METTL15: variants seen among roughly 807,000 people sequenced by gnomAD.
METTL15 encodes 12S rRNA N(4)-cytidine methyltransferase METTL15.
METTL15 carries 34 observed loss-of-function variants against 38.3 expected under a neutral mutation model. The observed-to-expected ratio is 0.89, with a 90% CI of 0.68 to 1.18. The LOEUF (loss-of-function observed/expected upper bound fraction) is 1.18, where lower values mean the gene tolerates loss of function less well. Among genes scored for constraint, METTL15 ranks in the 50% most tolerant of loss-of-function variants. The pLI is 0.00. For synonymous variants in METTL15, 162 were observed against 170.9 expected (o/e 0.95, Z 0.41); for missense variants, 438 against 498.4 (o/e 0.88, Z 1.15).
At chr11:28,249,161 A>G (rs1854633094) in intron 4 of METTL15, among the ~76,000 whole-genome samples, 2 of 151,988 alleles carry the variant, frequency 1.3e-5, no homozygotes, top group Admixed American at 6.6e-5. Flanking sequence ...TCACAAGCTC[A>G]CATGAGGAAA....
rs77853307 is a variant in METTL15 at position 28,216,323 on chromosome 11, C to A, written c.407+5125C>A. Among the ~76,000 whole-genome samples the A allele has an allele frequency of 7.6e-3, 1,159 of 151,922 alleles. 37 individuals are homozygous for A. The East Asian group carries it at 0.087, about 11-fold the overall frequency. Reference sequence around the variant, plus strand: ...GGAGGAAATAATCCAAAAATTGATTCTGCTAAATAAAGGCATTTAATTGAA... The same window carrying A: ...GGAGGAAATAATCCAAAAATTGATTATGCTAAATAAAGGCATTTAATTGAA... On this transcript the variant is annotated intron_variant, in intron 4 of 6. Transcript: ENST00000407364.
intron 5 of METTL15, among the ~76,000 whole-genome samples, chr11:28,366,540 TTCATG>T (rs1245206786): frequency 6.6e-6 from 1 of 152,200 alleles, no homozygotes; most frequent in Non-Finnish European, 1.5e-5. Context: ...AGTGAGCTGA[TTCATG>T]AAGCAGTGAG....
At chr11:28,154,645 G>T (rs1413419387) in intron 3 of METTL15, among the ~76,000 whole-genome samples, 1 of 152,050 alleles carries the variant, frequency 6.6e-6, no homozygotes, top group African/African-American at 2.4e-5. Context: ...AAGTCTGTTG[G>T]CTTCTTTAAG....
At chr11:28,392,116 A>G (rs1466510452) in intron 5 of METTL15, among the ~76,000 whole-genome samples, 1 of 152,204 alleles carries the variant, frequency 6.6e-6, no homozygotes, top group African/African-American at 2.4e-5. Flanking sequence ...ACAAATTTAC[A>G]AGAAAAAACA....
intron 6 of METTL15, among the ~76,000 whole-genome samples, chr11:28,503,960 C>A (rs941667463): frequency 2.6e-5 from 4 of 151,740 alleles, no homozygotes; most frequent in African/African-American, 4.8e-5. Flanking sequence ...CTTTGGGAGT[C>A]CAAGGCAGGT....
intron 6 of METTL15, among the ~76,000 whole-genome samples, chr11:28,309,751 C>T (rs1288380337): frequency 6.6e-6 from 1 of 152,142 alleles, no homozygotes; most frequent in Non-Finnish European, 1.5e-5. Flanking sequence ...GCTACAACAG[C>T]ATTTTCCTAG....
chr11:28,462,651 T>C (rs1039485463), intron 6 of METTL15, among the ~76,000 whole-genome samples: 1 of 152,038 alleles, frequency 6.6e-6, no homozygotes, highest in Non-Finnish European at 1.5e-5. Context: ...GGATGAATTA[T>C]GTTCAGTGAG....
At chr11:28,399,210 A>T (rs1373991303) in intron 5 of METTL15, 4 of 152,066 alleles carry the variant, frequency 2.6e-5, no homozygotes, top group Non-Finnish European at 1.5e-5. Flanking sequence ...GTGATTCCCT[A>T]TTTAATAAAT....
intron 6 of METTL15, among the ~76,000 whole-genome samples, chr11:28,430,726 G>A (rs1379225509): frequency 8.5e-6 from 1 of 117,298 alleles, no homozygotes; most frequent in African/African-American, 3.3e-5. Context: ...GAGGGAGGTG[G>A]GGGGGTCAGC....
chr11:28,268,004 C>T (rs1296884421), intron 4 of METTL15, among the ~76,000 whole-genome samples: 6 of 151,510 alleles, frequency 4.0e-5, no homozygotes, highest in South Asian at 2.1e-4. Flanking sequence ...GAGACCATCC[C>T]GGCTAAAACG....
At chr11:28,258,235 T>C (rs747382042) in intron 4 of METTL15, among the ~76,000 whole-genome samples, 2 of 152,126 alleles carry the variant, frequency 1.3e-5, no homozygotes, top group Non-Finnish European at 2.9e-5. Flanking sequence ...AACAATGGGG[T>C]ATCTCTCTCT....
chr11:28,458,610 A>T (rs1173593724), intron 6 of METTL15, among the ~76,000 whole-genome samples: 1 of 152,164 alleles, frequency 6.6e-6, no homozygotes, highest in Admixed American at 6.5e-5. Context: ...TCACCTGCCC[A>T]GGGCCTTACT....
intron 3 of METTL15, among the ~76,000 whole-genome samples, chr11:28,146,946 G>T (rs1053663915): frequency 3.3e-5 from 5 of 151,718 alleles, no homozygotes; most frequent in Non-Finnish European, 7.4e-5. Context: ...TTTATATAAA[G>T]AATTTTGCAA....
At chr11:28,397,703 T>A (rs892893883) in intron 5 of METTL15, among the ~76,000 whole-genome samples, 1 of 152,028 alleles carries the variant, frequency 6.6e-6, no homozygotes, top group African/African-American at 2.4e-5. Flanking sequence ...GATCTAGAAC[T>A]AGAAATACCA....
chr11:28,351,407 C>G (rs1260655274), intron 3 of METTL15, among the ~76,000 whole-genome samples: 2 of 152,182 alleles, frequency 1.3e-5, no homozygotes, highest in African/African-American at 4.8e-5. Flanking sequence ...TGAGCCACTG[C>G]ACCGGGCCCA....
intron 6 of METTL15, among the ~76,000 whole-genome samples, chr11:28,520,533 C>T (rs938898919): frequency 6.6e-6 from 1 of 152,082 alleles, no homozygotes; most frequent in East Asian, 1.9e-4. Context: ...GAGATATTAC[C>T]TTCAAGAAGG....
At chr11:28,319,025 A>G (rs2134042277) in intron 6 of METTL15, among the ~76,000 whole-genome samples, 1 of 152,324 alleles carries the variant, frequency 6.6e-6, no homozygotes, top group African/African-American at 2.4e-5. Context: ...CATTCCCAGG[A>G]TAAGAGACCA....
intron 6 of METTL15, among the ~76,000 whole-genome samples, chr11:28,500,980 A>G (rs1227305838): frequency 2.6e-5 from 4 of 152,204 alleles, no homozygotes; most frequent in African/African-American, 7.2e-5. Flanking sequence ...AAGCTGCAAC[A>G]ATTTTATCTT....
At chr11:28,236,872 G>T (rs933364688) in intron 4 of METTL15, among the ~76,000 whole-genome samples, 2 of 152,114 alleles carry the variant, frequency 1.3e-5, no homozygotes, top group African/African-American at 4.8e-5. Flanking sequence ...GCTTCGTTTG[G>T]CTGGATATGA....
Sources: gnomAD v4.1 joint callset for allele counts (sites outside exome capture counted in the v4.1 genomes callset) on GRCh38, gnomAD v4.1.1 for gene constraint, MANE v1.5 for transcripts, NCBI Gene and HGNC (gene_info 2026-07-23, HGNC 2026-07-21) for gene names.